Variants in ANKRD33B observed in about 807,000 individuals in gnomAD.
ANKRD33B encodes ankyrin repeat domain-containing protein 33B.
ANKRD33B carries 6 observed loss-of-function variants against 21.5 expected under a neutral mutation model. The observed-to-expected ratio is 0.28, with a 90% CI of 0.15 to 0.55. The LOEUF (loss-of-function observed/expected upper bound fraction) is 0.55. ANKRD33B is among the 20% of genes least tolerant of loss of function. The pLI, the probability that ANKRD33B is intolerant of heterozygous loss-of-function variation, is 0.94. For missense variants in ANKRD33B, 698 were observed against 747.2 expected (o/e 0.93, Z 0.77); for synonymous variants, 347 against 342.4 (o/e 1.01, Z -0.15).
At position 10,650,845 on chromosome 5, in the gene ANKRD33B, T is replaced by C. The variant is rs183361279; in HGVS notation, c.*732T>C. On this transcript the variant is annotated 3_prime_UTR_variant, in exon 4 of 4. Transcript: ENST00000296657. Reference sequence around the variant, plus strand: ...TTATAAAACAATGGAGCGATAAACATGTATTTATTGCTAGAATTAAACTCA... The same window carrying C: ...TTATAAAACAATGGAGCGATAAACACGTATTTATTGCTAGAATTAAACTCA... The C allele has an allele frequency of 1.3e-5, 2 of 152,490 alleles. No homozygotes were observed. The highest frequency in any genetic ancestry group is 2.4e-5 in the African/African-American group (1 of 41,570). The allele number at this position is 152,490 out of a possible 1,614,324, so 9.4% of individuals were successfully genotyped here. A position where few individuals can be genotyped will look rare whatever the true frequency, so the allele number is the denominator to read the frequency against.
At chr5:10,631,775 T>A (rs1736717661) in intron 2 of ANKRD33B, among the ~76,000 whole-genome samples, 1 of 151,034 alleles carries the variant, frequency 6.6e-6, no homozygotes, top group Non-Finnish European at 1.5e-5. Flanking sequence ...GAGGGTGGAG[T>A]TTTCAGGCCC....
chr5:10,649,525 G>A lies in ANKRD33B; in HGVS notation c.897G>A (p.Pro299=), dbSNP rs1293789237. 4.6e-6 allele frequency: 7 copies of A among 1,533,154 alleles called. No homozygotes were observed. The highest frequency in any genetic ancestry group is 2.5e-5 in the East Asian group (1 of 40,808). 95.0% of individuals were successfully genotyped at this position (1,533,154 alleles called of 1,614,324 possible). A position where few individuals can be genotyped will look rare whatever the true frequency, so the allele number is the denominator to read the frequency against. Residue 299 remains proline (P), a synonymous_variant, in exon 4 of 4, where the codon CCG becomes CCA. Transcript: ENST00000296657. ...SVLTPRSVRG[P]EDGGVLDHMV... The stretch of plus-strand genomic sequence containing the variant: ...TGACGCCGCGCTCCGTGCGGGGCCC[G>A]GAGGACGGGGGCGTCCTGGACCACA...
At chr5:10,604,863 A>G (rs12187420) in intron 1 of ANKRD33B, among the ~76,000 whole-genome samples, 54,237 of 152,086 alleles carry the variant, frequency 0.36, 11,287 homozygotes, top group East Asian at 0.6. Flanking sequence ...ATCTAATGCT[A>G]CATGCATCAC....
chr5:10,589,928 G>T (rs771035616), intron 1 of ANKRD33B, among the ~76,000 whole-genome samples: 11 of 148,360 alleles, frequency 7.4e-5, no homozygotes, highest in Middle Eastern at 3.5e-3. Context: ...TGTATGTTAT[G>T]CTTTTCTTCC....
chr5:10,614,243 C>A (rs1736236270), intron 1 of ANKRD33B, among the ~76,000 whole-genome samples: 1 of 152,054 alleles, frequency 6.6e-6, no homozygotes, highest in East Asian at 1.9e-4. Context: ...GGATGAGGCC[C>A]ACTCACATGA....
intron 2 of ANKRD33B, among the ~76,000 whole-genome samples, chr5:10,622,305 A>T (rs951538845): frequency 2.6e-5 from 4 of 152,218 alleles, no homozygotes; most frequent in Admixed American, 1.3e-4. Flanking sequence ...CAGTCACCTC[A>T]TTAGCTCAGT....
intron 1 of ANKRD33B, among the ~76,000 whole-genome samples, chr5:10,600,679 C>T (rs914351329): frequency 2.6e-5 from 4 of 152,110 alleles, no homozygotes; most frequent in South Asian, 2.1e-4. Context: ...AGAGAGTATC[C>T]GTGAATGGAG....
chr5:10,594,858 T>C (rs1309938081), intron 1 of ANKRD33B, among the ~76,000 whole-genome samples: 1 of 152,120 alleles, frequency 6.6e-6, no homozygotes, highest in East Asian at 1.9e-4. Flanking sequence ...GGTAGGAAAG[T>C]GCCTTCCAGG....
chr5:10,649,921 G>A lies in ANKRD33B; in HGVS notation c.1293G>A (p.Ala431=), dbSNP rs1159519545. The stretch of plus-strand genomic sequence containing the variant: ...TGCCCCGGGTCCGAGTCAGCAAGGC[G>A]CCCGCGCCCACCTTCCAGCCCGAGC... ...VVVPRVRVSK[A]PAPTFQPERP... Residue 431 remains alanine (A), a synonymous_variant, in exon 4 of 4, where the codon GCG becomes GCA. Transcript: ENST00000296657. 3.3e-6 allele frequency: 5 copies of A among 1,523,088 alleles called. No homozygotes were observed. The highest frequency in any genetic ancestry group is 2.8e-5 in the African/African-American group (2 of 71,166). 94.3% of individuals were successfully genotyped at this position (1,523,088 alleles called of 1,614,324 possible).
At chr5:10,581,934 G>T (rs1735452901) in intron 1 of ANKRD33B, among the ~76,000 whole-genome samples, 1 of 152,176 alleles carries the variant, frequency 6.6e-6, no homozygotes, top group South Asian at 2.1e-4. Flanking sequence ...TCTTGGTTCT[G>T]TCTCTCTGGA....
intron 1 of ANKRD33B, among the ~76,000 whole-genome samples, chr5:10,610,694 C>T (rs1736151729): frequency 6.6e-6 from 1 of 152,208 alleles, no homozygotes; most frequent in African/African-American, 2.4e-5. Context: ...GTTTCAGGCT[C>T]AGATGTACAT....
chr5:10,649,882 G>A lies in ANKRD33B; in HGVS notation c.1254G>A (p.Arg418=). 1.3e-6 allele frequency: 2 copies of A among 1,501,458 alleles called. No individual in the cohort carries two copies. The highest frequency in any genetic ancestry group is 1.8e-6 in the Non-Finnish European group (2 of 1,131,278). 93.0% of individuals were successfully genotyped at this position (1,501,458 alleles called of 1,614,324 possible). A position where few individuals can be genotyped will look rare whatever the true frequency, so the allele number is the denominator to read the frequency against. The change falls in exon 4 of 4, where the codon CGG becomes CGA. Residue 418 remains arginine (R), a synonymous_variant. Coordinates refer to ENST00000296657, the MANE Select transcript of ANKRD33B (RefSeq NM_001164440.2). ...AGCGCCTGCGGCGGAGAAGCGTGCG[G>A]CCCGGTGTGGTGGTGCCCCGGGTCC... ...PLQRLRRRSV[R]PGVVVPRVRV... is the part of the protein sequence containing the mutation.
Position 10,638,050 on chromosome 5 carries a change from C to T in ANKRD33B, c.519C>T (p.Tyr173=), listed in dbSNP as rs759479380. 2.8e-5 allele frequency: 43 copies of T among 1,537,588 alleles called. No individual in the cohort carries two copies. Among genetic ancestry groups the T allele is most frequent in the Non-Finnish European group, 3.6e-5 (41 of 1,146,988 alleles). The part of the protein sequence containing the change: ...AQAGHAIITN[Y]LLNYFPGLDL... ...CAGGGCACGCTATCATCACTAACTA[C>T]TTGTTGAACTATTTCCCTGGTCTTG... The change falls in exon 3 of 4, where the codon TAC becomes TAT. Residue 173 remains tyrosine (Y), a synonymous_variant. Transcript: ENST00000296657.
intron 2 of ANKRD33B, among the ~76,000 whole-genome samples, chr5:10,621,874 G>A (rs1190809148): frequency 6.6e-6 from 1 of 152,192 alleles, no homozygotes; most frequent in Non-Finnish European, 1.5e-5. Flanking sequence ...GGGATTTGGG[G>A]AAGTAATTAA....
chr5:10,614,690 C>A (rs1033382069), intron 1 of ANKRD33B, among the ~76,000 whole-genome samples: 1 of 152,154 alleles, frequency 6.6e-6, no homozygotes, highest in African/African-American at 2.4e-5. Flanking sequence ...AGTTTGAGAC[C>A]AGCCTGGCCA....
At chr5:10,636,284 G>A (rs1386918733) in intron 2 of ANKRD33B, among the ~76,000 whole-genome samples, 4 of 152,152 alleles carry the variant, frequency 2.6e-5, no homozygotes, top group African/African-American at 9.7e-5. Context: ...TGAATAAGTG[G>A]GGATTTCTGA....
At chr5:10,603,855 TG>T (rs1277383126) in intron 1 of ANKRD33B, among the ~76,000 whole-genome samples, 6 of 152,052 alleles carry the variant, frequency 3.9e-5, no homozygotes, top group Non-Finnish European at 5.9e-5. Flanking sequence ...CATAGAAAAA[TG>T]TTTTTTTTTA....
At chr5:10,639,513 C>T (rs1334727761) in intron 3 of ANKRD33B, among the ~76,000 whole-genome samples, 1 of 10,624 alleles carries the variant, frequency 9.4e-5, no homozygotes, top group Non-Finnish European at 1.6e-4. Context: ...GCGGGTGACG[C>T]GGCGTTGCGC....
Position 10,656,586 on chromosome 5 carries a change from T to C in ANKRD33B, c.*6473T>C, listed in dbSNP as rs2279328. 0.33 allele frequency: 50,460 copies of C among 152,256 alleles called. 8,410 individuals carry two copies. The highest frequency in any genetic ancestry group is 0.4 in the African/African-American group (16,412 of 41,494). 9.4% of individuals were successfully genotyped at this position (152,256 alleles called of 1,614,324 possible). A position where few individuals can be genotyped will look rare whatever the true frequency, so the allele number is the denominator to read the frequency against. ...TCAGTGTACTCAGTGGGGTCTCACA[T>C]GGCCCGAGGACCCACTGTGAGCACT... On this transcript the variant is annotated 3_prime_UTR_variant, in exon 4 of 4. Transcript: ENST00000296657.
Sources: gnomAD v4.1 joint callset for allele counts (sites outside exome capture counted in the v4.1 genomes callset) on GRCh38, gnomAD v4.1.1 for gene constraint, MANE v1.5 for transcripts, NCBI Gene and HGNC (gene_info 2026-07-23, HGNC 2026-07-21) for gene names.